Variants in PCBP3 observed in about 807,000 individuals in gnomAD.
PCBP3 encodes the protein poly(rC)-binding protein 3.
A neutral mutation model predicts 52.7 loss-of-function variants in PCBP3; 25 were observed. The observed-to-expected ratio is 0.47, with a 90% CI of 0.35 to 0.66. The LOEUF (loss-of-function observed/expected upper bound fraction) is 0.66. PCBP3 is among the 30% of genes least tolerant of loss of function. PCBP3 has a pLI of 0.01. For synonymous variants in PCBP3, 162 were observed against 183.0 expected, an observed-to-expected ratio of 0.89 and a Z score of 0.93; for missense variants, 391 against 490.3, an observed-to-expected ratio of 0.80 and a Z score of 1.91.
chr21:45,822,820 AT>A lies in PCBP3; in HGVS notation c.-125-27136del, dbSNP rs898444395. On this transcript the variant is annotated intron_variant, in intron 4 of 17. Coordinates refer to ENST00000681687, the MANE Select transcript of PCBP3 (RefSeq NM_001384156.1). ...CTGTCCTGAGCAGGACTAATCAGGC[AT>A]TTTTCAGGCTATCCCTCTGCTGGGA... 5.4e-4 allele frequency among the ~76,000 whole-genome samples: 82 copies of A among 152,190 alleles called. 3 individuals are homozygous for A. The highest frequency in any genetic ancestry group is 1.9e-4 in the Non-Finnish European group (13 of 68,030).
chr21:45,840,913 C>A (rs1167315913), intron 4 of PCBP3, among the ~76,000 whole-genome samples: 1 of 152,190 alleles, frequency 6.6e-6, no homozygotes, highest in Admixed American at 6.5e-5. Context: ...CTGCACCCGG[C>A]CTTTTAAAAT....
intron 1 of PCBP3, among the ~76,000 whole-genome samples, chr21:45,660,897 C>T (rs919240105): frequency 1.3e-5 from 2 of 152,016 alleles, no homozygotes; most frequent in Admixed American, 6.6e-5. Flanking sequence ...AAAAATTAGC[C>T]GGGAGTGGTG....
rs2083330504 is a variant in PCBP3, at chr21:45,704,605, A to G, written c.-199-30787A>G. The stretch of plus-strand genomic sequence containing the variant: ...GACATGGAGACATAAAACATTGTCT[A>G]AGTGAAGGGCAATCGTATTTGAAGT... On this transcript the variant is annotated intron_variant, in intron 2 of 17. Transcript: ENST00000681687. The surrounding 1 kb of genome is among the most constrained non-coding windows in gnomAD (Gnocchi z 4.1). Among the ~76,000 whole-genome samples, 1 of 152,060 alleles carries G rather than the reference A, an allele frequency of 6.6e-6. No individual in the cohort carries two copies. Among genetic ancestry groups the G allele is most frequent in the Non-Finnish European group, 1.5e-5 (1 of 68,026 alleles).
chr21:45,651,195 T>C (rs1328934671), intron 1 of PCBP3, among the ~76,000 whole-genome samples: 1 of 152,218 alleles, frequency 6.6e-6, no homozygotes, highest in African/African-American at 2.4e-5. Flanking sequence ...TAGCTTGTTA[T>C]GTGGCAATAG....
At chr21:45,752,150 T>C (rs2087574366) in intron 3 of PCBP3, among the ~76,000 whole-genome samples, 1 of 152,150 alleles carries the variant, frequency 6.6e-6, no homozygotes, top group Non-Finnish European at 1.5e-5. Flanking sequence ...ATCTTTTATC[T>C]AGATTTTTAA....
intron 4 of PCBP3, among the ~76,000 whole-genome samples, chr21:45,814,975 T>A (rs1247398748): frequency 1.8e-5 from 1 of 55,706 alleles, no homozygotes; most frequent in Admixed American, 2.2e-4. Flanking sequence ...TGGTGAGTGA[T>A]GAGTGAGTGG....
rs189213107 is a variant in PCBP3 at position 45,904,276 on chromosome 21, G to A, written c.339+3163G>A. Reference sequence around the variant, plus strand: ...AGGAAGAGCTGAGATGTCTCCAAGCGCGCAGACTGTATGGCCAAGGAAGCT... The same window carrying A: ...AGGAAGAGCTGAGATGTCTCCAAGCACGCAGACTGTATGGCCAAGGAAGCT... On this transcript the variant is annotated intron_variant, in intron 9 of 17. Transcript: ENST00000681687. The surrounding 1 kb of genome is among the most constrained non-coding windows in gnomAD (Gnocchi z 4.8). Among the ~76,000 whole-genome samples the A allele has an allele frequency of 3.3e-4, 51 of 152,344 alleles. No homozygotes were observed. The highest frequency in any genetic ancestry group is 1.0e-3 in the African/African-American group (43 of 41,588).
intron 4 of PCBP3, among the ~76,000 whole-genome samples, chr21:45,781,034 C>T (rs186248724): frequency 3.3e-5 from 5 of 152,234 alleles, no homozygotes; most frequent in Admixed American, 2.0e-4. Flanking sequence ...GGAAGGTGAT[C>T]ACCAGGAGGC....
intron 4 of PCBP3, among the ~76,000 whole-genome samples, chr21:45,843,367 T>A (rs1383157245): frequency 6.6e-6 from 1 of 152,264 alleles, no homozygotes; most frequent in East Asian, 1.9e-4. Context: ...GAACCAAATT[T>A]TATATTTACT....
At chr21:45,924,018 C>A (rs776250595) in intron 13 of PCBP3, among the ~76,000 whole-genome samples, 1 of 20,948 alleles carries the variant, frequency 4.8e-5, no homozygotes, top group Non-Finnish European at 1.1e-4. Flanking sequence ...CGGGTGTGCA[C>A]GAGGAGATGC....
At chr21:45,672,572 C>T (rs759626177) in intron 2 of PCBP3, among the ~76,000 whole-genome samples, 1 of 152,000 alleles carries the variant, frequency 6.6e-6, no homozygotes, top group Non-Finnish European at 1.5e-5. Context: ...TAACTATAGC[C>T]AAAGTTCTTT....
chr21:45,903,773 G>T (rs1399834332), intron 9 of PCBP3, among the ~76,000 whole-genome samples: 1 of 152,286 alleles, frequency 6.6e-6, no homozygotes, highest in East Asian at 1.9e-4. Flanking sequence ...AGCAGACATT[G>T]TCCCTTGTCC....
At chr21:45,785,966 A>G (rs1322540346) in intron 4 of PCBP3, among the ~76,000 whole-genome samples, 9 of 149,984 alleles carry the variant, frequency 6.0e-5, no homozygotes, top group Admixed American at 6.0e-4. Flanking sequence ...CCACTCCCTA[A>G]TCTCAAGTAC....
At chr21:45,926,707 T>C (rs1364871695) in intron 13 of PCBP3, among the ~76,000 whole-genome samples, 1 of 152,174 alleles carries the variant, frequency 6.6e-6, no homozygotes, top group African/African-American at 2.4e-5. Context: ...CTTCCTGCCA[T>C]AAACAAAAAT....
intron 4 of PCBP3, among the ~76,000 whole-genome samples, chr21:45,814,128 C>G (rs1002662667): frequency 5.3e-5 from 8 of 152,216 alleles, no homozygotes; most frequent in Non-Finnish European, 1.2e-4. Context: ...AGTTGTGACA[C>G]AGTGGCAATT....
intron 4 of PCBP3, among the ~76,000 whole-genome samples, chr21:45,798,258 T>C (rs556809104): frequency 1.7e-5 from 2 of 117,474 alleles, no homozygotes; most frequent in Non-Finnish European, 3.4e-5. Flanking sequence ...CATGGATCCA[T>C]AGAGAGAGTG....
intron 14 of PCBP3, 122 bp from the exon 15 acceptor site, chr21:45,930,664 G>A: frequency 1.7e-6 from 1 of 581,030 alleles, no homozygotes; most frequent in East Asian, 3.0e-5. Context: ...CCATGCCTGT[G>A]GCTGTGGCCA....
intron 3 of PCBP3, chr21:45,752,968 CAA>C (rs5844247): frequency 0.017 from 1,138 of 65,970 alleles, 17 homozygotes; most frequent in African/African-American, 0.066. Context: ...CCTGTCTCTC[CAA>C]AAAAAAAAAA....
intron 5 of PCBP3, among the ~76,000 whole-genome samples, chr21:45,870,000 T>A (rs1026325079): frequency 6.6e-6 from 1 of 152,262 alleles, no homozygotes; most frequent in African/African-American, 2.4e-5. Flanking sequence ...TAATTTTTTG[T>A]GTATGTTTCT....
Sources: gnomAD v4.1 joint callset for allele counts (sites outside exome capture counted in the v4.1 genomes callset) on GRCh38, gnomAD v4.1.1 for gene constraint, Gnocchi (gnomAD v3.1) non-coding constraint, MANE v1.5 for transcripts, NCBI Gene and HGNC (gene_info 2026-07-23, HGNC 2026-07-21) for gene names.